The following EXOC4 variants were observed in gnomAD, a reference collection of about 807,000 sequenced individuals.
The protein encoded by EXOC4 is SEC8-like 1.
EXOC4 carries 71 observed loss-of-function variants against 107.2 expected under a neutral mutation model. The observed-to-expected ratio is 0.66, with a 90% CI of 0.55 to 0.81. The LOEUF (loss-of-function observed/expected upper bound fraction) is 0.81, where lower values mean the gene tolerates loss of function less well. Ranked by LOEUF, EXOC4 falls within the 30% of genes least tolerant of loss-of-function variation. The pLI is 0.00. For synonymous variants in EXOC4, 456 were observed against 441.2 expected (o/e 1.03, Z -0.42); for missense variants, 1,108 against 1,189.6 (o/e 0.93, Z 1.01).
At chr7:134,093,742 A>G in the EXOC4 span, among the ~76,000 whole-genome samples, 1 of 152,230 alleles carries the variant, frequency 6.6e-6, no homozygotes, top group Non-Finnish European at 1.5e-5. Flanking sequence ...ACTACAGTGG[A>G]ATAAAAATAG....
intron 7 of EXOC4, among the ~76,000 whole-genome samples, chr7:133,380,977 TAA>T (rs1796607420): frequency 6.6e-6 from 1 of 152,186 alleles, no homozygotes; most frequent in African/African-American, 2.4e-5. Context: ...CTTCGCCTCT[TAA>T]CTATCTACCT....
intron 10 of EXOC4, among the ~76,000 whole-genome samples, chr7:133,734,253 T>A (rs1006961962): frequency 6.6e-6 from 1 of 152,198 alleles, no homozygotes; most frequent in Non-Finnish European, 1.5e-5. Flanking sequence ...AAATTATTGA[T>A]GAGAACATCC....
intron 17 of EXOC4, among the ~76,000 whole-genome samples, chr7:134,057,387 C>G (rs1795955638): frequency 6.6e-6 from 1 of 150,936 alleles, no homozygotes; most frequent in South Asian, 2.1e-4. Context: ...AAAAAACTGT[C>G]CTGATACAGA....
chr7:133,560,199 AC>A (rs1370704124), intron 9 of EXOC4, among the ~76,000 whole-genome samples: 15 of 152,216 alleles, frequency 9.9e-5, no homozygotes, highest in Admixed American at 9.8e-4. Flanking sequence ...GTTCCAGTAT[AC>A]ATCCCATGTT....
intron 11 of EXOC4, among the ~76,000 whole-genome samples, chr7:133,819,108 A>G (rs921609374): frequency 2.0e-5 from 3 of 151,970 alleles, no homozygotes; most frequent in African/African-American, 7.3e-5. Flanking sequence ...TCCAGCTCTC[A>G]CTGGACTCTG....
intron 11 of EXOC4, among the ~76,000 whole-genome samples, chr7:133,823,812 T>C (rs1252991258): frequency 2.0e-5 from 2 of 101,862 alleles, no homozygotes; most frequent in African/African-American, 7.6e-5. Flanking sequence ...CAAGACTGTC[T>C]CAAAAATACA....
At chr7:133,814,343 A>C (rs1797311495) in intron 10 of EXOC4, among the ~76,000 whole-genome samples, 1 of 152,186 alleles carries the variant, frequency 6.6e-6, no homozygotes, top group Admixed American at 6.5e-5. Context: ...TAGTACATCA[A>C]AAGTTTCCAC....
chr7:133,942,966 A>AT lies in EXOC4; in HGVS notation c.2206+4898dup, dbSNP rs773237018. Among the ~76,000 whole-genome samples the AT allele has an allele frequency of 2.7e-4, 41 of 152,274 alleles. 1 individual carries two copies. The highest frequency in any genetic ancestry group is 5.3e-4 in the Non-Finnish European group (36 of 68,012). ...TAGAAACTCCATCTGTCTTGTTATC[A>AT]TGCCGTGTAATATATTCTAGATATT... On this transcript the variant is annotated intron_variant, in intron 14 of 17. Coordinates refer to ENST00000253861, the MANE Select transcript of EXOC4 (RefSeq NM_021807.4).
At chr7:133,716,897 A>C (rs901849999) in intron 10 of EXOC4, among the ~76,000 whole-genome samples, 6 of 152,104 alleles carry the variant, frequency 3.9e-5, no homozygotes, top group Non-Finnish European at 8.8e-5. Context: ...CCCAGATCAC[A>C]CCCCTGCACT....
rs751373400 is a variant in EXOC4 at position 133,630,031 on chromosome 7, C to G, written c.1418-14C>G. 1 of 1,596,780 alleles carries G rather than the reference C, an allele frequency of 6.3e-7. No individual in the cohort carries two copies. The highest frequency in any genetic ancestry group is 1.1e-5 in the South Asian group (1 of 90,274). On this transcript the variant is annotated splice_polypyrimidine_tract_variant and intron_variant, in intron 9 of 17. Coordinates refer to ENST00000253861, the MANE Select transcript of EXOC4 (RefSeq NM_021807.4). ...TCAATGAGCTAAGTCTGTTTTTTTTCTTTCTTCTGAAAGGGGGTCCTGATG... is the reference window on the plus strand; with the variant it reads ...TCAATGAGCTAAGTCTGTTTTTTTTGTTTCTTCTGAAAGGGGGTCCTGATG...
intron 9 of EXOC4, among the ~76,000 whole-genome samples, chr7:133,488,859 A>T (rs1317901178): frequency 6.6e-6 from 1 of 151,300 alleles, no homozygotes; most frequent in Non-Finnish European, 1.5e-5. Flanking sequence ...AAAGGTAGTC[A>T]TATAAGAAAA....
intron 10 of EXOC4, among the ~76,000 whole-genome samples, chr7:133,679,542 G>GTCCGTCCTTCCA (rs1794141435): frequency 2.1e-5 from 3 of 145,348 alleles, no homozygotes; most frequent in African/African-American, 7.8e-5. Flanking sequence ...CCGTCCGTCC[G>GTCCGTCCTTCCA]TCCATCCATC....
chr7:133,923,661 GAGATAGAC>G (rs1799988774), intron 13 of EXOC4, among the ~76,000 whole-genome samples: 2 of 152,258 alleles, frequency 1.3e-5, no homozygotes, highest in South Asian at 4.1e-4. Flanking sequence ...TAACATCTTT[GAGATAGAC>G]AGATAGACCA....
intron 10 of EXOC4, among the ~76,000 whole-genome samples, chr7:133,795,380 A>G (rs905412000): frequency 6.6e-6 from 1 of 152,246 alleles, no homozygotes; most frequent in Non-Finnish European, 1.5e-5. Context: ...ATGAATATTC[A>G]TAATGAGATA....
At chr7:133,819,068 G>A (rs1180382283) in intron 11 of EXOC4, among the ~76,000 whole-genome samples, 2 of 152,114 alleles carry the variant, frequency 1.3e-5, no homozygotes, top group African/African-American at 4.8e-5. Flanking sequence ...CATAACAGGA[G>A]ATCCTGCCAG....
intron 10 of EXOC4, among the ~76,000 whole-genome samples, chr7:133,795,330 C>G (rs1796792304): frequency 6.6e-6 from 1 of 152,136 alleles, no homozygotes; most frequent in African/African-American, 2.4e-5. Flanking sequence ...CCCTCTGTTC[C>G]CTGCAGCTGG....
intron 5 of EXOC4, among the ~76,000 whole-genome samples, chr7:133,325,880 G>GTCC (rs1322200908): frequency 6.6e-6 from 1 of 152,052 alleles, no homozygotes; most frequent in African/African-American, 2.4e-5. Flanking sequence ...TTTTCACATA[G>GTCC]TCCCATATTT....
At chr7:133,992,529 C>T (rs1278291598) in intron 14 of EXOC4, among the ~76,000 whole-genome samples, 7 of 151,892 alleles carry the variant, frequency 4.6e-5, no homozygotes, top group East Asian at 1.9e-4. Context: ...GTGATTTGCC[C>T]GCCTCAGGCT....
chr7:133,516,280 C>G (rs575003654), intron 9 of EXOC4, among the ~76,000 whole-genome samples: 1 of 152,162 alleles, frequency 6.6e-6, no homozygotes, highest in Non-Finnish European at 1.5e-5. Flanking sequence ...AAGTATATAA[C>G]CACACCACAG....
Sources: allele counts gnomAD v4.1 joint callset (sites outside exome capture counted in the v4.1 genomes callset), GRCh38; gene constraint gnomAD v4.1.1; transcripts MANE v1.5; gene names NCBI Gene and HGNC (gene_info 2026-07-23, HGNC 2026-07-21).